CPM: variants seen among roughly 807,000 people sequenced by gnomAD.
CPM encodes renal carboxypeptidase.
A neutral mutation model predicts 46.4 loss-of-function variants in CPM; 35 were observed. The ratio of observed to expected loss-of-function variants is 0.75; its 90% CI spans 0.58 to 1.00. The LOEUF is 1.00. Among genes scored for constraint, CPM ranks in the 50% least tolerant of loss-of-function variants. The pLI is 0.00. For synonymous variants in CPM, 195 were observed against 195.3 expected (o/e 1.00, Z 0.01); for missense variants, 422 against 530.4 (o/e 0.80, Z 2.01).
At chr12:68,923,048 C>T (rs1888101510) in intron 2 of CPM, among the ~76,000 whole-genome samples, 1 of 151,988 alleles carries the variant, frequency 6.6e-6, no homozygotes, top group Non-Finnish European at 1.5e-5. Flanking sequence ...CTGTGTAAAC[C>T]TCCCAAGTAG....
At chr12:68,937,867 A>G (rs1888696994), upstream of CPM, among the ~76,000 whole-genome samples, 1 of 152,268 alleles carries the variant, frequency 6.6e-6, no homozygotes, top group Non-Finnish European at 1.5e-5. Flanking sequence ...AAAGCAAAGC[A>G]GAGGAAAAAG....
At chr12:68,938,920 T>A (rs1888715505) in intron 1 of CPM, among the ~76,000 whole-genome samples, 1 of 148,476 alleles carries the variant, frequency 6.7e-6, no homozygotes, top group African/African-American at 2.5e-5. Context: ...TATATGTGTA[T>A]ATGCATATAT....
chr12:68,894,977 C>T (rs947780156), intron 2 of CPM, among the ~76,000 whole-genome samples: 2 of 140,328 alleles, frequency 1.4e-5, no homozygotes, highest in Non-Finnish European at 3.0e-5. Flanking sequence ...TGCAGTAAGC[C>T]GAGATCGCAC....
chr12:68,904,692 C>A (rs1344774496), intron 2 of CPM, among the ~76,000 whole-genome samples: 1 of 152,184 alleles, frequency 6.6e-6, no homozygotes, highest in East Asian at 1.9e-4. Context: ...CCATTTAACA[C>A]ACAGAGAGGT....
chr12:68,888,349 C>T (rs1478543107), intron 2 of CPM, among the ~76,000 whole-genome samples: 1 of 152,172 alleles, frequency 6.6e-6, no homozygotes. Context: ...ATGAGTAACT[C>T]AGTCTCAATT....
chr12:68,853,202 T>C lies in CPM; in HGVS notation c.*3235A>G, dbSNP rs944108631. On this transcript the variant is annotated 3_prime_UTR_variant, in exon 9 of 9. Coordinates refer to ENST00000551568, the MANE Select transcript of CPM (RefSeq NM_198320.5). ...ATTTTTGTTCGTGTCTCTTCAAAAA[T>C]TGCTATCTTAGAAAAGTTAGAATTC... is the stretch of plus-strand genomic sequence containing the variant. 2 of 152,120 alleles carry C rather than the reference T, an allele frequency of 1.3e-5. No homozygotes were observed. Among genetic ancestry groups the C allele is most frequent in the African/African-American group, 4.8e-5 (2 of 41,362 alleles). The allele number at this position is 152,120 out of a possible 1,614,324, so 9.4% of individuals were successfully genotyped here.
downstream of CPM, among the ~76,000 whole-genome samples, chr12:68,850,923 A>G (rs144095761): frequency 6.6e-6 from 1 of 152,212 alleles, no homozygotes; most frequent in East Asian, 1.9e-4. Context: ...TTGTCCATGG[A>G]ACACACTGCC....
At chr12:68,949,983 C>G (rs1007393671) in intron 1 of CPM, among the ~76,000 whole-genome samples, 3 of 152,032 alleles carry the variant, frequency 2.0e-5, no homozygotes, top group African/African-American at 7.2e-5. Context: ...TTGCATTGGG[C>G]GAATGAAGAT....
At chr12:68,896,799 TA>T (rs1208843322) in intron 2 of CPM, among the ~76,000 whole-genome samples, 1 of 152,158 alleles carries the variant, frequency 6.6e-6, no homozygotes, top group Non-Finnish European at 1.5e-5. Flanking sequence ...AAAGTTTTGA[TA>T]TTATACCCAA....
At chr12:68,868,430 C>T (rs746357559) in intron 6 of CPM, among the ~76,000 whole-genome samples, 1 of 152,162 alleles carries the variant, frequency 6.6e-6, no homozygotes, top group Non-Finnish European at 1.5e-5. Context: ...TGGAAGTGGC[C>T]TGCACGCAGA....
At chr12:68,862,955 A>T (rs888417843) in intron 7 of CPM, among the ~76,000 whole-genome samples, 1 of 152,188 alleles carries the variant, frequency 6.6e-6, no homozygotes, top group African/African-American at 2.4e-5. Context: ...GGGGAGATAC[A>T]TGGGAGAAAT....
At chr12:68,864,439 C>T (rs148748751) in intron 7 of CPM, among the ~76,000 whole-genome samples, 2,728 of 152,216 alleles carry the variant, frequency 0.018, 80 homozygotes, top group African/African-American at 0.062. Flanking sequence ...AGCGAGACTC[C>T]GTCTCAAAAA....
intron 2 of CPM, among the ~76,000 whole-genome samples, chr12:68,930,626 A>G (rs995943969): frequency 4.6e-5 from 7 of 152,238 alleles, no homozygotes; most frequent in Non-Finnish European, 8.8e-5. Flanking sequence ...TATTCAACAC[A>G]AATATTTAAC....
intron 2 of CPM, among the ~76,000 whole-genome samples, chr12:68,912,455 C>T (rs1003384302): frequency 4.6e-5 from 7 of 152,162 alleles, no homozygotes; most frequent in Non-Finnish European, 8.8e-5. Flanking sequence ...CTTTGCCAAA[C>T]ACTTCATTTG....
At chr12:68,883,865 C>T (rs1022166888) in intron 3 of CPM, among the ~76,000 whole-genome samples, 4 of 150,562 alleles carry the variant, frequency 2.7e-5, no homozygotes, top group East Asian at 3.9e-4. Context: ...GAGGCTGAGG[C>T]GGGCGGATCA....
intron 2 of CPM, among the ~76,000 whole-genome samples, chr12:68,908,651 A>C (rs1470219381): frequency 6.6e-6 from 1 of 152,208 alleles, no homozygotes. Context: ...TAGGTGCTAA[A>C]CATAAAAACT....
chr12:68,935,065 AG>A (rs1395340456), upstream of CPM, among the ~76,000 whole-genome samples: 3 of 152,090 alleles, frequency 2.0e-5, no homozygotes, highest in East Asian at 3.9e-4. Flanking sequence ...ACCTGCCACC[AG>A]GCCCGGCTAA....
intron 2 of CPM, among the ~76,000 whole-genome samples, chr12:68,916,185 C>T (rs1021103370): frequency 2.0e-5 from 3 of 152,004 alleles, no homozygotes; most frequent in Non-Finnish European, 2.9e-5. Context: ...GGTATCTGTT[C>T]CTTAATACTC....
At chr12:68,943,243 A>G (rs1424320896) in intron 1 of CPM, among the ~76,000 whole-genome samples, 1 of 152,180 alleles carries the variant, frequency 6.6e-6, no homozygotes, top group Non-Finnish European at 1.5e-5. Flanking sequence ...TTTTCTGTAA[A>G]CTGGGCTAAC....
Sources: gnomAD v4.1 joint callset for allele counts (sites outside exome capture counted in the v4.1 genomes callset) on GRCh38, gnomAD v4.1.1 for gene constraint, MANE v1.5 for transcripts, NCBI Gene and HGNC (gene_info 2026-07-23, HGNC 2026-07-21) for gene names.